The following GALNT3 variants were observed in gnomAD, a reference collection of about 807,000 sequenced individuals.
The protein encoded by GALNT3 is GalNAc transferase 3.
In GALNT3, 51 loss-of-function variants were observed where a neutral mutation model predicts 69.8. The observed-to-expected ratio is 0.73, with a 90% CI of 0.58 to 0.92. GALNT3 has a LOEUF of 0.92. Among genes scored for constraint, GALNT3 ranks in the 40% least tolerant of loss-of-function variants. GALNT3 has a pLI of 0.00. For synonymous variants in GALNT3, 265 were observed against 248.5 expected, an observed-to-expected ratio of 1.07 and a Z score of -0.63; for missense variants, 711 against 760.0, an observed-to-expected ratio of 0.94 and a Z score of 0.76.
At chr2:165,777,500 T>C (rs911089748) in intron 1 of GALNT3, among the ~76,000 whole-genome samples, 1 of 152,238 alleles carries the variant, frequency 6.6e-6, no homozygotes, top group African/African-American at 2.4e-5. Flanking sequence ...AGTTTTATTA[T>C]GTGCCCCTCA....
intron 1 of GALNT3, among the ~76,000 whole-genome samples, chr2:165,790,013 T>C (rs1024902870): frequency 2.0e-5 from 3 of 152,202 alleles, no homozygotes; most frequent in African/African-American, 7.2e-5. Flanking sequence ...TATCTATAAA[T>C]AGAATACAGA....
chr2:165,764,756 A>G, intron 3 of GALNT3, 128 bp downstream of exon 3: 1 of 917,786 alleles, frequency 1.1e-6, no homozygotes, highest in Non-Finnish European at 1.8e-6. Flanking sequence ...TTCATTCACC[A>G]TACCCACTAT....
intron 3 of GALNT3, among the ~76,000 whole-genome samples, chr2:165,763,307 A>G (rs1688584509): frequency 6.6e-6 from 1 of 152,182 alleles, no homozygotes; most frequent in African/African-American, 2.4e-5. Context: ...GATGACTTTG[A>G]CTTTATCTGT....
rs1559006015 is a variant in GALNT3 at position 165,780,649 on chromosome 2, G to GTTT, written c.-108-9842_-108-9841insAAA. Among the ~76,000 whole-genome samples the GTTT allele has an allele frequency of 6.4e-3, 945 of 146,964 alleles. 9 individuals carry two copies. The highest frequency in any genetic ancestry group is 0.022 in the African/African-American group (889 of 39,810). ...CAAATCAGGTTTGAGGGGTTTTTTT[G>GTTT]TTGTTGTTGTTGTTGTTGTTGTTGT... On this transcript the variant is annotated intron_variant, in intron 1 of 10. Transcript: ENST00000392701.
At chr2:165,757,807 G>A (rs1185340828) in intron 6 of GALNT3, among the ~76,000 whole-genome samples, 2 of 151,772 alleles carry the variant, frequency 1.3e-5, no homozygotes, top group Non-Finnish European at 2.9e-5. Context: ...GAGAGAAAAC[G>A]TCAAAAAAAA....
intron 3 of GALNT3, 54 bp from the exon 4 acceptor site, chr2:165,762,108 G>A: frequency 8.2e-7 from 1 of 1,224,092 alleles, no homozygotes; most frequent in Non-Finnish European, 1.2e-6. Context: ...TTCATATATA[G>A]CTTATGAAAG....
At chr2:165,784,981 A>G (rs1309511268) in intron 1 of GALNT3, among the ~76,000 whole-genome samples, 3 of 152,210 alleles carry the variant, frequency 2.0e-5, no homozygotes, top group African/African-American at 7.2e-5. Context: ...AGTATTTACT[A>G]TCAGGTGTTT....
rs1195935950 is a variant in GALNT3, at chr2:165,759,482, T to C, written c.927A>G (p.Ile309Met). 6.2e-7 allele frequency: 1 copy of C among 1,613,980 alleles called. No individual in the cohort carries two copies. Among genetic ancestry groups the C allele is most frequent in the Non-Finnish European group, 8.5e-7 (1 of 1,180,012 alleles). ...TAVVSPDIAS[I>M]DLNTFEFNKP... ...TGTTGAATTCAAACGTGTTCAGATC[T>C]ATGGATGCAATATCTGGACTTACGA... Residue 309 changes from isoleucine to methionine, a missense_variant, in exon 5 of 11, where the codon ATA becomes ATG. Ile to Met is a conservative substitution (Grantham distance 10). Coordinates refer to ENST00000392701, the MANE Select transcript of GALNT3 (RefSeq NM_004482.4).
chr2:165,753,403 T>C lies in GALNT3; in HGVS notation c.1626+1224A>G, dbSNP rs373745860. 5.8e-3 allele frequency among the ~76,000 whole-genome samples: 817 copies of C among 139,662 alleles called. 7 individuals are homozygous for C. Among genetic ancestry groups the C allele is most frequent in the African/African-American group, 0.022 (793 of 36,674 alleles). The allele number at this position is 139,662 out of a possible 152,430, so 91.6% of individuals were successfully genotyped here. On this transcript the variant is annotated intron_variant, in intron 9 of 10. Transcript: ENST00000392701. ...AGCCACCTCACTAGCTCCTACCTAC[T>C]TTTTTTTTTTTTAATGTTTTCAAAT...
intron 4 of GALNT3, among the ~76,000 whole-genome samples, chr2:165,760,657 A>C (rs528564973): frequency 6.6e-6 from 1 of 152,282 alleles, no homozygotes; most frequent in East Asian, 1.9e-4. Context: ...TCTGGTATTA[A>C]AAGAGAACTG....
At chr2:165,769,519 C>T (rs1455041380) in intron 2 of GALNT3, among the ~76,000 whole-genome samples, 5 of 150,538 alleles carry the variant, frequency 3.3e-5, no homozygotes, top group Non-Finnish European at 7.4e-5. Context: ...TTTGGGAGGC[C>T]AAGGCAGATG....
chr2:165,756,961 T>C (rs1688452446), intron 7 of GALNT3, 86 bp downstream of exon 7: 6 of 1,041,372 alleles, frequency 5.8e-6, no homozygotes, highest in Non-Finnish European at 7.3e-6. Flanking sequence ...TTTTTTGATG[T>C]TTTGTACTTG....
rs374205386 is a variant in GALNT3, at chr2:165,754,975, G to A, written c.1481C>T (p.Pro494Leu). 3.7e-6 allele frequency: 6 copies of A among 1,612,942 alleles called. No individual in the cohort carries two copies. The highest frequency in any genetic ancestry group is 4.2e-6 in the Non-Finnish European group (5 of 1,179,322). ...NFTWYLNNIYPEVYVPDLNPV... is the reference protein window; with the variant it reads ...NFTWYLNNIYLEVYVPDLNPV... ...ATTAAGGTCTGGCACATACACCTCT[G>A]GATAAATGTTGTTCAGATACCATGT... The change falls in exon 8 of 11, where the codon CCA (proline) becomes CTA (leucine). Residue 494 changes from proline to leucine, a missense_variant. Physicochemically the swap from Pro to Leu is moderately conservative, Grantham distance 98. Transcript: ENST00000392701.
chr2:165,778,735 C>T lies in GALNT3; in HGVS notation c.-108-7927G>A, dbSNP rs541444270. Among the ~76,000 whole-genome samples, 170 of 152,264 alleles carry T rather than the reference C, an allele frequency of 1.1e-3. 1 individual carries two copies. Among genetic ancestry groups the T allele is most frequent in the Middle Eastern group, 3.4e-3 (1 of 294 alleles). On this transcript the variant is annotated intron_variant, in intron 1 of 10. Transcript: ENST00000392701. ...AGTTCCAGAAGAGGCCATTCACAGC[C>T]GGGGGACAGAACCCTAGAACTAGCT...
At chr2:165,760,123 C>T (rs1021583270) in intron 4 of GALNT3, among the ~76,000 whole-genome samples, 20 of 152,226 alleles carry the variant, frequency 1.3e-4, no homozygotes, top group East Asian at 1.2e-3. Context: ...GTTAAAATGG[C>T]CTATGAGTCA....
At chr2:165,791,509 T>A (rs1683350571) in intron 1 of GALNT3, among the ~76,000 whole-genome samples, 1 of 152,172 alleles carries the variant, frequency 6.6e-6, no homozygotes, top group Admixed American at 6.5e-5. Flanking sequence ...TTCATTTATA[T>A]ACACTCACAT....
intron 9 of GALNT3, among the ~76,000 whole-genome samples, chr2:165,753,256 A>G (rs1448690883): frequency 6.6e-6 from 1 of 152,166 alleles, no homozygotes; most frequent in Non-Finnish European, 1.5e-5. Flanking sequence ...TATTGCAAAA[A>G]TCCTCCACAC....
intron 8 of GALNT3, 50 bp downstream of exon 8, chr2:165,754,882 G>GTCC (rs760417579): frequency 4.4e-6 from 7 of 1,591,692 alleles, no homozygotes; most frequent in African/African-American, 2.7e-5. Flanking sequence ...CCACATAAAG[G>GTCC]TTGGTGGCAA....
At chr2:165,759,276 G>T (rs1688500205) in intron 5 of GALNT3, 60 bp downstream of exon 5, 3 of 1,294,608 alleles carry the variant, frequency 2.3e-6, no homozygotes, top group African/African-American at 1.5e-5. Flanking sequence ...CAAACAGTGT[G>T]TACATATTCA....
Sources: gnomAD v4.1 joint callset for allele counts (sites outside exome capture counted in the v4.1 genomes callset) on GRCh38, gnomAD v4.1.1 for gene constraint, MANE v1.5 for transcripts, NCBI Gene and HGNC (gene_info 2026-07-23, HGNC 2026-07-21) for gene names.